The following GLYAT variants were observed in gnomAD, a reference collection of about 807,000 sequenced individuals.
GLYAT encodes glycine-N-acyltransferase.
In GLYAT, 25 loss-of-function variants were observed where a neutral mutation model predicts 22.8. The ratio of observed to expected loss-of-function variants is 1.09; its 90% confidence interval spans 0.80 to 1.53. The LOEUF is 1.53. GLYAT is among the 40% of genes most tolerant of loss of function. The pLI, the probability that GLYAT is intolerant of heterozygous loss-of-function variation, is 0.00. For synonymous variants in GLYAT, 140 were observed against 122.7 expected, an observed-to-expected ratio of 1.14 and a Z score of -0.93; for missense variants, 411 against 353.9, an observed-to-expected ratio of 1.16 and a Z score of -1.29.
intron 2 of GLYAT, among the ~76,000 whole-genome samples, chr11:58,719,542 A>G (rs998992018): frequency 6.6e-6 from 1 of 151,958 alleles, no homozygotes; most frequent in African/African-American, 2.4e-5. Context: ...AAAATCAGGC[A>G]TTACACTCTT....
chr11:58,725,804 T>A (rs923223532), intron 1 of GLYAT, among the ~76,000 whole-genome samples: 2 of 152,188 alleles, frequency 1.3e-5, no homozygotes, highest in African/African-American at 4.8e-5. Flanking sequence ...TGGGGTCTTG[T>A]GTCCATTCTC....
intron 1 of GLYAT, among the ~76,000 whole-genome samples, chr11:58,725,134 T>G (rs949819272): frequency 2.0e-5 from 3 of 152,162 alleles, no homozygotes; most frequent in Non-Finnish European, 4.4e-5. Context: ...TGACATGGTC[T>G]AAATATAAAC....
intron 5 of GLYAT, 60 bp from the exon 6 acceptor site, chr11:58,710,228 A>T (rs962074796): frequency 6.5e-6 from 10 of 1,536,060 alleles, no homozygotes; most frequent in Admixed American, 6.1e-5. Flanking sequence ...ATTTGCTGTG[A>T]CCTCTATTGT....
intron 3 of GLYAT, among the ~76,000 whole-genome samples, chr11:58,713,957 A>G (rs1014479282): frequency 6.6e-6 from 1 of 152,128 alleles, no homozygotes; most frequent in African/African-American, 2.4e-5. Flanking sequence ...GTTGTGTTGA[A>G]ATATGTATAC....
chr11:58,711,507 A>AT (rs1284353730), intron 4 of GLYAT, among the ~76,000 whole-genome samples: 4 of 152,010 alleles, frequency 2.6e-5, no homozygotes, highest in African/African-American at 7.2e-5. Context: ...GATTTGTGTA[A>AT]TTTTTTCTGT....
chr11:58,724,602 T>A, intron 1 of GLYAT, 91 bp from the exon 2 acceptor site: 2 of 27,016 alleles, frequency 7.4e-5, no homozygotes, highest in Non-Finnish European at 1.3e-4. Context: ...ATGACCAGGT[T>A]TTTTTTTTTT....
intron 3 of GLYAT, among the ~76,000 whole-genome samples, chr11:58,714,925 T>C (rs989833761): frequency 3.9e-5 from 6 of 152,150 alleles, no homozygotes; most frequent in Non-Finnish European, 7.4e-5. Flanking sequence ...TACAACTTTA[T>C]ATCTGTGCTC....
At position 58,713,944 on chromosome 11, in the gene GLYAT, T is replaced by C. The variant is rs568233462; in HGVS notation, c.190-1058A>G. Among the ~76,000 whole-genome samples the C allele has an allele frequency of 2.0e-5, 3 of 152,278 alleles. No homozygotes were observed. In the South Asian group the frequency reaches 6.2e-4, roughly 32 times the overall value. On this transcript the variant is annotated intron_variant, in intron 3 of 5. Transcript: ENST00000344743. ...AATGATTGCATATATTTATTAACAA[T>C]ATGTTGTGTTGAAATATGTATACAT...
At chr11:58,725,750 T>C (rs974149316) in intron 1 of GLYAT, among the ~76,000 whole-genome samples, 3 of 152,250 alleles carry the variant, frequency 2.0e-5, no homozygotes, top group Non-Finnish European at 1.5e-5. Flanking sequence ...AGATCAAGTG[T>C]GCAGTTGGAC....
intron 2 of GLYAT, among the ~76,000 whole-genome samples, chr11:58,720,992 C>T (rs1463477583): frequency 2.0e-5 from 3 of 151,764 alleles, no homozygotes; most frequent in Non-Finnish European, 2.9e-5. Flanking sequence ...TTTTTAGTAT[C>T]GCATTTAAGC....
chr11:58,720,544 G>A (rs1029975290), intron 2 of GLYAT, among the ~76,000 whole-genome samples: 1 of 151,998 alleles, frequency 6.6e-6, no homozygotes, highest in Non-Finnish European at 1.5e-5. Flanking sequence ...AACTTTGGGA[G>A]GAACTTGGTT....
At chr11:58,720,181 C>G (rs1856732334) in intron 2 of GLYAT, among the ~76,000 whole-genome samples, 1 of 151,844 alleles carries the variant, frequency 6.6e-6, no homozygotes, top group Non-Finnish European at 1.5e-5. Context: ...TTGTTCACCT[C>G]TTTAAAAAAC....
chr11:58,715,052 G>A (rs1268734197), intron 3 of GLYAT, among the ~76,000 whole-genome samples: 1 of 151,458 alleles, frequency 6.6e-6, no homozygotes, highest in Non-Finnish European at 1.5e-5. Context: ...TGAACTTATC[G>A]GGTAGCCCCA....
At chr11:58,729,586 C>T (rs556729224) in intron 1 of GLYAT, among the ~76,000 whole-genome samples, 10 of 152,156 alleles carry the variant, frequency 6.6e-5, no homozygotes, top group South Asian at 2.1e-4. Context: ...ACATAAGTAA[C>T]GAATGATTGA....
intron 2 of GLYAT, among the ~76,000 whole-genome samples, chr11:58,718,055 T>C (rs1302584005): frequency 2.6e-5 from 4 of 152,172 alleles, no homozygotes; most frequent in South Asian, 2.1e-4. Context: ...AGGGACTGTG[T>C]ACACAAAATA....
chr11:58,711,008 G>GT (rs1438219731), intron 4 of GLYAT, among the ~76,000 whole-genome samples: 2 of 152,100 alleles, frequency 1.3e-5, no homozygotes, highest in Non-Finnish European at 2.9e-5. Flanking sequence ...TCAAAGACCT[G>GT]TGCTAGCATT....
At chr11:58,729,812 A>G (rs1443086810) in intron 1 of GLYAT, among the ~76,000 whole-genome samples, 1 of 152,218 alleles carries the variant, frequency 6.6e-6, no homozygotes, top group Non-Finnish European at 1.5e-5. Context: ...TAAAAGTATA[A>G]CATTCCTAAA....
chr11:58,721,878 T>C (rs1393998260), intron 2 of GLYAT, among the ~76,000 whole-genome samples: 8 of 151,940 alleles, frequency 5.3e-5, no homozygotes, highest in Non-Finnish European at 8.8e-5. Context: ...AGTTCTCCTT[T>C]CAATTTGTCC....
At chr11:58,731,684 CGTT>C (rs774058343) in intron 1 of GLYAT, among the ~76,000 whole-genome samples, 148 bp downstream of exon 1, 7 of 152,024 alleles carry the variant, frequency 4.6e-5, no homozygotes, top group South Asian at 2.1e-4. Flanking sequence ...TATTTTTTGT[CGTT>C]GTTTTTATGT....
Sources: allele counts gnomAD v4.1 joint callset (sites outside exome capture counted in the v4.1 genomes callset), GRCh38; gene constraint gnomAD v4.1.1; transcripts MANE v1.5; gene names NCBI Gene and HGNC (gene_info 2026-07-23, HGNC 2026-07-21).